The following ACTR5 variants were observed in gnomAD, a reference collection of about 807,000 sequenced individuals.
The protein encoded by ACTR5 is actin-related protein 5.
Under a neutral mutation model 61.2 loss-of-function variants are expected in ACTR5, and 43 were observed. The observed-to-expected ratio is 0.70, with a 90% confidence interval of 0.55 to 0.91. The LOEUF is 0.91. Ranked by LOEUF, ACTR5 falls within the 40% of genes least tolerant of loss-of-function variation. The pLI, the probability that ACTR5 is intolerant of heterozygous loss-of-function variation, is 0.00. For missense variants in ACTR5, 798 were observed against 782.2 expected (o/e 1.02, Z -0.24); for synonymous variants, 333 against 310.5 (o/e 1.07, Z -0.76).
At chr20:38,757,547 AT>A (rs1439674362) in intron 5 of ACTR5, among the ~76,000 whole-genome samples, 3 of 151,982 alleles carry the variant, frequency 2.0e-5, no homozygotes, top group African/African-American at 7.3e-5. Flanking sequence ...CAGAAAAAAA[AT>A]GATACTTTGG....
intron 7 of ACTR5, 128 bp from the exon 8 acceptor site, chr20:38,767,336 A>AT (rs879087874): frequency 0.044 from 29,575 of 677,826 alleles, 14 homozygotes; most frequent in Non-Finnish European, 0.047. Context: ...GAAAGTTTTG[A>AT]TTTTTTTTTT....
Position 38,771,666 on chromosome 20 carries a change from A to G in ACTR5, c.1674A>G (p.Glu558=). ...NEVWITRKEY[E]EKGGEYLKEH... ...TTTGGATCACCAGGAAAGAGTATGA[A>G]GAAAAGGGAGGAGAGTACCTCAAGG... Residue 558 remains glutamate (E), a synonymous_variant, in exon 9 of 9, where the codon GAA becomes GAG. Transcript: ENST00000243903. 2 of 1,614,152 alleles carry G rather than the reference A, an allele frequency of 1.2e-6. No individual in the cohort carries two copies. The highest frequency in any genetic ancestry group is 3.3e-5 in the Admixed American group (2 of 60,014).
chr20:38,755,917 G>T lies in ACTR5; in HGVS notation c.1054G>T (p.Asp352Tyr). The T allele has an allele frequency of 1.9e-6, 3 of 1,614,186 alleles. No individual in the cohort carries two copies. Among genetic ancestry groups the T allele is most frequent in the Non-Finnish European group, 2.5e-6 (3 of 1,180,044 alleles). ...CAAAGCTCTGATAGAGCTGAATATG[G>T]ACTCCCCAGAAGAGCTGCAGTCCTA... Reference protein sequence around the residue: ...FHKALIELNMDSPEELQSYIQ... With the variant: ...FHKALIELNMYSPEELQSYIQ... Residue 352 changes from aspartate (D) to tyrosine (Y), a missense_variant, in exon 5 of 9, where the codon GAC (aspartate) becomes TAC (tyrosine). Asp to Tyr is a radical substitution (Grantham distance 160). Coordinates refer to ENST00000243903, the MANE Select transcript of ACTR5 (RefSeq NM_024855.4).
Sources: gnomAD v4.1 joint callset for allele counts (sites outside exome capture counted in the v4.1 genomes callset) on GRCh38, gnomAD v4.1.1 for gene constraint, MANE v1.5 for transcripts, NCBI Gene and HGNC (gene_info 2026-07-23, HGNC 2026-07-21) for gene names.